TIAM1: variants seen among roughly 807,000 people sequenced by gnomAD.
TIAM1 encodes the protein rho guanine nucleotide exchange factor TIAM1.
TIAM1 carries 65 observed loss-of-function variants against 163.5 expected under a neutral mutation model. The observed-to-expected ratio is 0.40, with a 90% confidence interval of 0.33 to 0.49. The LOEUF (loss-of-function observed/expected upper bound fraction) is 0.49, where lower values mean the gene tolerates loss of function less well. TIAM1 is among the 20% of genes least tolerant of loss of function. The pLI, the probability that TIAM1 is intolerant of heterozygous loss-of-function variation, is 0.77. For missense variants in TIAM1, 1,789 were observed against 2,044.7 expected (o/e 0.87, Z 2.41); for synonymous variants, 833 against 810.1 (o/e 1.03, Z -0.48).
chr21:31,455,241 T>C (rs576225387), intron 2 of TIAM1, among the ~76,000 whole-genome samples: 2 of 138,910 alleles, frequency 1.4e-5, no homozygotes, highest in African/African-American at 2.8e-5. Context: ...ATCATACCAT[T>C]GCACTCCAGC....
intron 1 of TIAM1, among the ~76,000 whole-genome samples, chr21:31,498,366 T>C (rs776267928): frequency 5.3e-5 from 8 of 152,196 alleles, no homozygotes; most frequent in Non-Finnish European, 1.0e-4. Context: ...GGTACTACTG[T>C]CTGCAGAAGC....
chr21:31,372,680 T>C (rs1307310472), intron 2 of TIAM1, among the ~76,000 whole-genome samples: 1 of 152,018 alleles, frequency 6.6e-6, no homozygotes, highest in Non-Finnish European at 1.5e-5. Flanking sequence ...ACATAAAAGA[T>C]ACAAAACTGG....
At chr21:31,387,195 C>CTTTTTTTTTTTTTT (rs60592178) in intron 2 of TIAM1, among the ~76,000 whole-genome samples, 4 of 75,152 alleles carry the variant, frequency 5.3e-5, no homozygotes, top group African/African-American at 1.7e-4. Context: ...AGCTTATTCT[C>CTTTTTTTTTTTTTT]TTTTTTTTTT....
At chr21:31,515,639 C>A (rs1288414615) in intron 1 of TIAM1, among the ~76,000 whole-genome samples, 2 of 152,188 alleles carry the variant, frequency 1.3e-5, no homozygotes, top group East Asian at 3.9e-4. Flanking sequence ...ACTTTACAGG[C>A]TGCTGAACCT....
chr21:31,166,121 C>T (rs1240432253), intron 15 of TIAM1, among the ~76,000 whole-genome samples: 4 of 152,202 alleles, frequency 2.6e-5, no homozygotes, highest in Admixed American at 6.5e-5. Flanking sequence ...GGGCCTAAGA[C>T]TGTGTGTTCC....
chr21:31,492,004 T>G (rs991891436), intron 1 of TIAM1, among the ~76,000 whole-genome samples: 3 of 152,196 alleles, frequency 2.0e-5, no homozygotes, highest in African/African-American at 7.2e-5. Context: ...AGAACTAACT[T>G]CCTGAGACTA....
At position 31,539,335 on chromosome 21, in the gene TIAM1, G is replaced by A. The variant is rs13051710; in HGVS notation, c.-422+19592C>T. Among the ~76,000 whole-genome samples the A allele has an allele frequency of 2.1e-4, 32 of 149,602 alleles. 1 individual carries two copies. Among genetic ancestry groups the A allele is most frequent in the Non-Finnish European group, 3.5e-4 (24 of 67,832 alleles). On this transcript the variant is annotated intron_variant, in intron 1 of 28. Transcript: ENST00000286827. ...GGCTGGAGTGCAGTGGCACGATCTCGGCTCACTGCAAGCTCCACCTCCCGG... is the reference window on the plus strand; with the variant it reads ...GGCTGGAGTGCAGTGGCACGATCTCAGCTCACTGCAAGCTCCACCTCCCGG...
intron 25 of TIAM1, among the ~76,000 whole-genome samples, chr21:31,127,383 G>A (rs2082241315): frequency 6.6e-6 from 1 of 151,548 alleles, no homozygotes; most frequent in African/African-American, 2.4e-5. Context: ...TCTTCTAGAT[G>A]GTCTAAAAGG....
At chr21:31,244,111 T>C (rs1293004366) in intron 6 of TIAM1, among the ~76,000 whole-genome samples, 3 of 152,222 alleles carry the variant, frequency 2.0e-5, no homozygotes, top group Non-Finnish European at 4.4e-5. Flanking sequence ...TGCACTCTTC[T>C]TTCTGTGTTT....
At chr21:31,280,469 CTT>C (rs912271057) in intron 2 of TIAM1, among the ~76,000 whole-genome samples, 1 of 152,188 alleles carries the variant, frequency 6.6e-6, no homozygotes, top group Non-Finnish European at 1.5e-5. Context: ...AATTAAACCT[CTT>C]TCTTTTGTAA....
chr21:31,418,947 C>T (rs138592129), intron 2 of TIAM1, among the ~76,000 whole-genome samples: 101 of 152,252 alleles, frequency 6.6e-4, no homozygotes, highest in African/African-American at 2.4e-3. Flanking sequence ...CCCCACCGAG[C>T]GGTCTAGCCC....
intron 2 of TIAM1, among the ~76,000 whole-genome samples, chr21:31,319,757 G>A (rs918086245): frequency 6.9e-6 from 1 of 144,266 alleles, no homozygotes. Flanking sequence ...TCCAGCCTGG[G>A]TGACAGAGTG....
chr21:31,391,845 G>T (rs2076970434), intron 2 of TIAM1, among the ~76,000 whole-genome samples: 1 of 152,088 alleles, frequency 6.6e-6, no homozygotes, highest in African/African-American at 2.4e-5. Flanking sequence ...CATATAAAGA[G>T]AGTCCCTGAT....
At chr21:31,401,637 A>C (rs1402956028) in intron 2 of TIAM1, among the ~76,000 whole-genome samples, 1 of 152,106 alleles carries the variant, frequency 6.6e-6, no homozygotes, top group Non-Finnish European at 1.5e-5. Flanking sequence ...TCACTTAAAA[A>C]TTTGGAATTA....
intron 2 of TIAM1, among the ~76,000 whole-genome samples, chr21:31,397,429 C>A (rs1218627137): frequency 1.3e-5 from 2 of 152,114 alleles, no homozygotes; most frequent in Non-Finnish European, 2.9e-5. Flanking sequence ...CTTTTCCTCC[C>A]ATTTTAATTC....
At chr21:31,481,487 C>T (rs778796803) in intron 1 of TIAM1, among the ~76,000 whole-genome samples, 8 of 152,122 alleles carry the variant, frequency 5.3e-5, no homozygotes, top group Non-Finnish European at 1.2e-4. Flanking sequence ...AGGGCTCAGT[C>T]CCACAAGATT....
chr21:31,126,893 G>A (rs1004995939), intron 26 of TIAM1, among the ~76,000 whole-genome samples, 172 bp downstream of exon 26: 3 of 152,096 alleles, frequency 2.0e-5, no homozygotes, highest in African/African-American at 7.2e-5. Flanking sequence ...CAGGAATCCC[G>A]ATAACACCTT....
chr21:31,435,881 T>C (rs1237425517), intron 2 of TIAM1, among the ~76,000 whole-genome samples: 4 of 152,202 alleles, frequency 2.6e-5, no homozygotes, highest in Non-Finnish European at 4.4e-5. Context: ...TCTCTCACCA[T>C]GTGATGCTTT....
intron 8 of TIAM1, among the ~76,000 whole-genome samples, chr21:31,220,513 G>A (rs557558501): frequency 6.6e-6 from 1 of 152,018 alleles, no homozygotes; most frequent in South Asian, 2.1e-4. Flanking sequence ...AAAAAAGAAA[G>A]AAAAAAGAAA....
Sources: allele counts gnomAD v4.1 joint callset (sites outside exome capture counted in the v4.1 genomes callset), GRCh38; gene constraint gnomAD v4.1.1; transcripts MANE v1.5; gene names NCBI Gene and HGNC (gene_info 2026-07-23, HGNC 2026-07-21).